IL22RA2: variants seen among roughly 807,000 people sequenced by gnomAD.
IL22RA2 encodes the protein interleukin-22 receptor subunit alpha-2.
In IL22RA2, 39 loss-of-function variants were observed where a neutral mutation model predicts 30.7. That is an observed-to-expected ratio of 1.27 (90% confidence interval 0.98 to 1.66). IL22RA2 has a LOEUF of 1.66. Among genes scored for constraint, IL22RA2 ranks in the 40% most tolerant of loss-of-function variants. The pLI is 0.00. For missense variants in IL22RA2, 315 were observed against 312.7 expected, an observed-to-expected ratio of 1.01 and a Z score of -0.05; for synonymous variants, 103 against 105.0, an observed-to-expected ratio of 0.98 and a Z score of 0.11.
At chr6:137,156,203 C>T (rs1284306386) in intron 4 of IL22RA2, among the ~76,000 whole-genome samples, 1 of 152,122 alleles carries the variant, frequency 6.6e-6, no homozygotes, top group East Asian at 1.9e-4. Context: ...AAGATTCACG[C>T]TTTGTTTCCT....
At chr6:137,150,311 G>T (rs1201620296) in intron 5 of IL22RA2, among the ~76,000 whole-genome samples, 2 of 152,002 alleles carry the variant, frequency 1.3e-5, no homozygotes, top group Non-Finnish European at 2.9e-5. Context: ...GTGGGAGAGC[G>T]CAAGCCTGGG....
At chr6:137,153,274 T>TAC in intron 5 of IL22RA2, among the ~76,000 whole-genome samples, 1 of 152,244 alleles carries the variant, frequency 6.6e-6, no homozygotes, top group Non-Finnish European at 1.5e-5. Context: ...ATATATATCA[T>TAC]ATATTTGTCG....
intron 2 of IL22RA2, among the ~76,000 whole-genome samples, chr6:137,160,030 T>C (rs918322967): frequency 3.9e-5 from 6 of 152,348 alleles, no homozygotes; most frequent in Middle Eastern, 3.4e-3. Context: ...GTGCATCAAA[T>C]GGTGTTGTGT....
At chr6:137,160,562 C>G (rs905224947) in intron 2 of IL22RA2, among the ~76,000 whole-genome samples, 2 of 152,184 alleles carry the variant, frequency 1.3e-5, no homozygotes, top group Non-Finnish European at 2.9e-5. Flanking sequence ...GAAGCTGAGG[C>G]TATACTTTAT....
In IL22RA2 at chr6:137,144,596, A is replaced by C. The variant is rs1374966835; in HGVS notation, c.*1028T>G. ...GGGGCCAGTTTGGAGGGCTTTGTCT[A>C]GCTCTATAGTCTCTGTAGGCACCTA... is the stretch of plus-strand genomic sequence containing the variant. On this transcript the variant is annotated 3_prime_UTR_variant, in exon 7 of 7. Coordinates refer to ENST00000296980, the MANE Select transcript of IL22RA2 (RefSeq NM_052962.3). 2 of 152,396 alleles carry C rather than the reference A, an allele frequency of 1.3e-5. No homozygotes were observed. The highest frequency in any genetic ancestry group is 4.1e-4 in the South Asian group (2 of 4,830). The allele number at this position is 152,396 out of a possible 1,614,324, so 9.4% of individuals were successfully genotyped here. A position where few individuals can be genotyped will look rare whatever the true frequency, so the allele number is the denominator to read the frequency against.
chr6:137,160,168 C>A (rs1778494569), intron 2 of IL22RA2, among the ~76,000 whole-genome samples: 2 of 152,216 alleles, frequency 1.3e-5, no homozygotes, highest in Admixed American at 6.5e-5. Context: ...GAAGGCCTGC[C>A]TAGAATTGAT....
chr6:137,172,729 A>G (rs1045931877), intron 1 of IL22RA2, among the ~76,000 whole-genome samples: 1 of 152,202 alleles, frequency 6.6e-6, no homozygotes, highest in African/African-American at 2.4e-5. Flanking sequence ...TCTGGAGAGA[A>G]CTTGCTTAAG....
intron 1 of IL22RA2, among the ~76,000 whole-genome samples, chr6:137,162,313 C>T (rs1045570832): frequency 6.6e-6 from 1 of 152,136 alleles, no homozygotes; most frequent in African/African-American, 2.4e-5. Flanking sequence ...AATTAATCTC[C>T]CTGCTATGCC....
At chr6:137,158,605 T>C (rs1052780377) in intron 2 of IL22RA2, 123 bp from the exon 3 acceptor site, 6 of 928,302 alleles carry the variant, frequency 6.5e-6, no homozygotes, top group Middle Eastern at 2.2e-4. Context: ...GTGCAGATAG[T>C]AGAGGTGGAG....
At chr6:137,160,435 G>T (rs1052284159) in intron 2 of IL22RA2, among the ~76,000 whole-genome samples, 1 of 152,190 alleles carries the variant, frequency 6.6e-6, no homozygotes, top group Non-Finnish European at 1.5e-5. Flanking sequence ...GGCAGCCAAT[G>T]GTGAAGCTGA....
chr6:137,173,173 A>G (rs147510749), intron 1 of IL22RA2, among the ~76,000 whole-genome samples: 2 of 152,228 alleles, frequency 1.3e-5, no homozygotes, highest in African/African-American at 4.8e-5. Context: ...GGAGTTCCAG[A>G]CCAGCCTGGC....
At chr6:137,165,746 T>C (rs964704635) in intron 1 of IL22RA2, among the ~76,000 whole-genome samples, 1 of 152,142 alleles carries the variant, frequency 6.6e-6, no homozygotes, top group Non-Finnish European at 1.5e-5. Flanking sequence ...AAATCTCCTT[T>C]ATACCAGAAG....
At chr6:137,152,100 G>C (rs202570) in intron 5 of IL22RA2, among the ~76,000 whole-genome samples, 6,356 of 152,084 alleles carry the variant, frequency 0.042, 159 homozygotes, top group Middle Eastern at 0.085. Context: ...ATAGTCCTTG[G>C]TACTTGGGAG....
chr6:137,153,358 T>G (rs1778331358), intron 5 of IL22RA2, among the ~76,000 whole-genome samples: 1 of 152,190 alleles, frequency 6.6e-6, no homozygotes, highest in Non-Finnish European at 1.5e-5. Context: ...TCTTGTGAAT[T>G]GGCATATGAA....
chr6:137,172,966 G>T (rs974700525), intron 1 of IL22RA2, among the ~76,000 whole-genome samples: 1 of 152,050 alleles, frequency 6.6e-6, no homozygotes, highest in Non-Finnish European at 1.5e-5. Context: ...GGGAAAGGGG[G>T]TTACCATCCA....
chr6:137,169,922 C>T (rs1248858219), intron 1 of IL22RA2, among the ~76,000 whole-genome samples: 2 of 152,214 alleles, frequency 1.3e-5, no homozygotes, highest in Non-Finnish European at 2.9e-5. Context: ...CGGAAGTTAG[C>T]TCATGTTCTG....
intron 5 of IL22RA2, among the ~76,000 whole-genome samples, chr6:137,152,514 A>G (rs1778311306): frequency 6.6e-6 from 1 of 152,214 alleles, no homozygotes; most frequent in African/African-American, 2.4e-5. Context: ...CTCTATAGAG[A>G]CAGAAAGATT....
intron 5 of IL22RA2, among the ~76,000 whole-genome samples, chr6:137,153,577 G>T (rs1310140132): frequency 1.3e-5 from 2 of 152,110 alleles, no homozygotes; most frequent in African/African-American, 4.8e-5. Context: ...TAACAAAAAT[G>T]GTTTCCAAAA....
intron 6 of IL22RA2, among the ~76,000 whole-genome samples, chr6:137,146,460 C>T (rs577419027): frequency 1.6e-4 from 25 of 152,274 alleles, no homozygotes; most frequent in Non-Finnish European, 2.9e-4. Flanking sequence ...TCCCTTAGAA[C>T]TCACTTCCGT....
Sources: allele counts gnomAD v4.1 joint callset (sites outside exome capture counted in the v4.1 genomes callset), GRCh38; gene constraint gnomAD v4.1.1; transcripts MANE v1.5; gene names NCBI Gene and HGNC (gene_info 2026-07-23, HGNC 2026-07-21).